The following SLC39A6 variants were observed in gnomAD, a reference collection of about 807,000 sequenced individuals.
SLC39A6 encodes the protein zinc transporter ZIP6.
Under a neutral mutation model 63.5 loss-of-function variants are expected in SLC39A6, and 51 were observed. The ratio of observed to expected loss-of-function variants is 0.80; its 90% confidence interval spans 0.64 to 1.01. The LOEUF (loss-of-function observed/expected upper bound fraction) is 1.01, where lower values mean the gene tolerates loss of function less well. Ranked by LOEUF, SLC39A6 falls within the 50% of genes least tolerant of loss-of-function variation. The pLI is 0.00. For missense variants in SLC39A6, 805 were observed against 927.8 expected, an observed-to-expected ratio of 0.87 and a Z score of 1.72; for synonymous variants, 318 against 324.7, an observed-to-expected ratio of 0.98 and a Z score of 0.22.
chr18:36,128,947 G>A (rs2089484554), intron 1 of SLC39A6, among the ~76,000 whole-genome samples, 167 bp downstream of exon 1: 2 of 152,300 alleles, frequency 1.3e-5, no homozygotes, highest in South Asian at 4.1e-4. Context: ...GGCTCTCTAG[G>A]GTGAGTGGGC....
intron 6 of SLC39A6, 23 bp from the exon 7 acceptor site, chr18:36,114,497 T>A: frequency 6.4e-7 from 1 of 1,572,192 alleles, no homozygotes; most frequent in Non-Finnish European, 8.6e-7. Context: ...ATAAAGGGCA[T>A]GGGGACAGTT....
chr18:36,123,793 A>C (rs1242617893), intron 3 of SLC39A6, 129 bp from the exon 4 acceptor site: 1 of 845,200 alleles, frequency 1.2e-6, no homozygotes, highest in East Asian at 2.7e-5. Context: ...AATTCAATGC[A>C]AATAGGACCT....
At chr18:36,110,898 G>C in intron 9 of SLC39A6, 161 bp downstream of exon 9, 2 of 1,210,462 alleles carry the variant, frequency 1.7e-6, no homozygotes, top group Non-Finnish European at 1.1e-6. Flanking sequence ...GGCTGAGATG[G>C]AAGGATCATT....
At chr18:36,120,779 C>T (rs1300189969) in intron 5 of SLC39A6, among the ~76,000 whole-genome samples, 3 of 152,182 alleles carry the variant, frequency 2.0e-5, no homozygotes, top group African/African-American at 7.2e-5. Flanking sequence ...AGGCGTGAGC[C>T]ACCGTGCCTG....
chr18:36,114,675 A>T (rs2089329283), intron 6 of SLC39A6, among the ~76,000 whole-genome samples: 1 of 152,232 alleles, frequency 6.6e-6, no homozygotes, highest in South Asian at 2.1e-4. Flanking sequence ...AATGGTCTCA[A>T]ATATTAAGAA....
chr18:36,110,321 G>A (rs2089290789), intron 9 of SLC39A6, among the ~76,000 whole-genome samples: 1 of 149,752 alleles, frequency 6.7e-6, no homozygotes, highest in African/African-American at 2.5e-5. Context: ...CAAATCTATA[G>A]AAAATTCACT....
At chr18:36,112,702 C>A in intron 7 of SLC39A6, 121 bp from the exon 8 acceptor site, 2 of 691,234 alleles carry the variant, frequency 2.9e-6, no homozygotes, top group Non-Finnish European at 5.1e-6. Flanking sequence ...AGAAGTTTCC[C>A]AAACCAACTC....
rs370143194 is a variant in SLC39A6 at position 36,126,648 on chromosome 18, GTGCTCTGAGTGATGCTCA to G, written c.342_359del (p.Glu119_Ser124del). ...GATGATCATGGTCAGAGTGATGCTC[GTGCTCTGAGTGATGCTCA>G]TGGTCTGAGTGACGCTCATGGTCTG... On this transcript the variant is annotated inframe_deletion, in exon 2 of 10. Transcript: ENST00000269187. 7.3e-4 allele frequency: 1,174 copies of G among 1,602,238 alleles called. 9 individuals carry two copies. The African/African-American group carries it at 7.6e-3, about 10-fold the overall frequency.
intron 7 of SLC39A6, 43 bp downstream of exon 7, chr18:36,114,054 T>C: frequency 2.0e-6 from 3 of 1,524,438 alleles, no homozygotes; most frequent in Non-Finnish European, 2.6e-6. Flanking sequence ...TAATGTGACA[T>C]TTTCAGAATC....
In SLC39A6 at chr18:36,126,575, G is replaced by C; in HGVS notation, c.433C>G (p.Leu145Val). 2 of 1,614,192 alleles carry C rather than the reference G, an allele frequency of 1.2e-6. No homozygotes were observed. The highest frequency in any genetic ancestry group is 1.3e-5 in the African/African-American group (1 of 75,052). The change falls in exon 2 of 10, where the codon CTT becomes GTT. Residue 145 changes from leucine (L) to valine (V), a missense_variant. Leu to Val is a conservative substitution (Grantham distance 32). Transcript: ENST00000269187. ...CTATCTGAGTCATGGTCTGGGCAAA[G>C]AGCTTTTCGCTTATTTTTACCAGAA... ...AASGKNKRKALCPDHDSDSSG... is the reference protein window; with the variant it reads ...AASGKNKRKAVCPDHDSDSSG...
At chr18:36,126,131 A>G in intron 2 of SLC39A6, 88 bp downstream of exon 2, 1 of 1,272,792 alleles carries the variant, frequency 7.9e-7, no homozygotes, top group Non-Finnish European at 1.1e-6. Flanking sequence ...TTTTACTTTT[A>G]CTTTAAACTC....
At chr18:36,122,990 A>T (rs1288893542) in intron 4 of SLC39A6, among the ~76,000 whole-genome samples, 1 of 152,250 alleles carries the variant, frequency 6.6e-6, no homozygotes, top group Non-Finnish European at 1.5e-5. Flanking sequence ...TTAAAGAATG[A>T]AACACGCATA....
At chr18:36,112,651 A>G in intron 7 of SLC39A6, 70 bp from the exon 8 acceptor site, 1 of 1,136,186 alleles carries the variant, frequency 8.8e-7, no homozygotes, top group Non-Finnish European at 1.3e-6. Flanking sequence ...CAGTATGCAA[A>G]ATGAGGTAAC....
Position 36,116,662 on chromosome 18 carries a change from A to C in SLC39A6, c.1465+12T>G. 3.2e-6 allele frequency: 5 copies of C among 1,572,402 alleles called. No individual in the cohort carries two copies. The highest frequency in any genetic ancestry group is 4.4e-6 in the Non-Finnish European group (5 of 1,142,872). On this transcript the variant is annotated intron_variant, in intron 6 of 9. Coordinates refer to ENST00000269187, the MANE Select transcript of SLC39A6 (RefSeq NM_012319.4). ...CTCCCTCCAGCCCTAAAATTTATGCATAAGAACTTACGATCATCTGTATCT... is the reference window on the plus strand; with the variant it reads ...CTCCCTCCAGCCCTAAAATTTATGCCTAAGAACTTACGATCATCTGTATCT...
chr18:36,117,409 A>G (rs1476759349), intron 5 of SLC39A6, among the ~76,000 whole-genome samples: 1 of 152,172 alleles, frequency 6.6e-6, no homozygotes, highest in East Asian at 1.9e-4. Flanking sequence ...TTTCTTTAAT[A>G]AAACACCATT....
chr18:36,126,734 T>C lies in SLC39A6; in HGVS notation c.274A>G (p.Ile92Val), dbSNP rs200850339. ...IGIDKIKRIH[I>V]HHDHDHHSDH... is the part of the protein sequence containing the mutation. The stretch of plus-strand genomic sequence containing the variant: ...GAGTGATGGTCGTGGTCATGGTGTA[T>C]ATGGATTCTTTTAATCTTATCTATG... The change falls in exon 2 of 10, where the codon ATA becomes GTA. Residue 92 changes from isoleucine to valine, a missense_variant. By Grantham distance (29) the Ile-to-Val change is conservative. Around this residue, in one of 4 missense-constraint regions of SLC39A6, gnomAD observed 639 missense variants for 644.0 expected, o/e 0.99. Transcript: ENST00000269187. 21 of 1,614,160 alleles carry C rather than the reference T, an allele frequency of 1.3e-5. No homozygotes were observed. The highest frequency in any genetic ancestry group is 2.7e-5 in the African/African-American group (2 of 75,060).
At chr18:36,117,711 A>G (rs2144503961) in intron 5 of SLC39A6, among the ~76,000 whole-genome samples, 1 of 152,326 alleles carries the variant, frequency 6.6e-6, no homozygotes, top group East Asian at 1.9e-4. Flanking sequence ...TCAAGTGTCT[A>G]TACATTCTTA....
intron 1 of SLC39A6, among the ~76,000 whole-genome samples, chr18:36,127,899 A>C (rs1169673524): frequency 6.6e-6 from 1 of 151,334 alleles, no homozygotes; most frequent in African/African-American, 2.4e-5. Context: ...AGGCGTGACC[A>C]CTACGCCCAG....
At chr18:36,112,436 G>T in intron 8 of SLC39A6, 65 bp downstream of exon 8, 1 of 1,211,038 alleles carries the variant, frequency 8.3e-7, no homozygotes, top group Non-Finnish European at 1.2e-6. Flanking sequence ...ACTACCATTA[G>T]CAAAAGCCAG....
Sources: gnomAD v4.1 joint callset for allele counts (sites outside exome capture counted in the v4.1 genomes callset) on GRCh38, gnomAD v4.1.1 for gene constraint, gnomAD v4.1.1 regional missense constraint, MANE v1.5 for transcripts, NCBI Gene and HGNC (gene_info 2026-07-23, HGNC 2026-07-21) for gene names.